SYTL5: variants seen among roughly 807,000 people sequenced by gnomAD.
SYTL5 encodes the protein synaptotagmin like 5.
SYTL5 carries 34 observed loss-of-function variants against 55.9 expected under a neutral mutation model. That is an observed-to-expected ratio of 0.61 (90% CI 0.46 to 0.81). SYTL5 has a LOEUF of 0.81. Among genes scored for constraint, SYTL5 ranks in the 30% least tolerant of loss-of-function variants. The pLI, the probability that SYTL5 is intolerant of heterozygous loss-of-function variation, is 0.00. For synonymous variants in SYTL5, 221 were observed against 188.7 expected (o/e 1.17, Z -1.40); for missense variants, 637 against 546.7 (o/e 1.17, Z -1.65).
At chrX:37,990,869 G>A in the SYTL5 span, 36 of 1,206,389 alleles carry the variant, frequency 3.0e-5, no homozygotes, top group Middle Eastern at 6.9e-4. Context: ...GTAAGAACTC[G>A]TCTACAAATA....
chrX:38,070,480 T>A (rs1342812547), intron 3 of SYTL5, among the ~76,000 whole-genome samples: 2 of 111,137 alleles, frequency 1.8e-5, no homozygotes, highest in Non-Finnish European at 3.8e-5. Flanking sequence ...TCATTTTCTA[T>A]CCTCTTTATT....
At chrX:37,943,599 T>G in the SYTL5 span, among the ~76,000 whole-genome samples, 1 of 111,419 alleles carries the variant, frequency 9.0e-6, no homozygotes, top group African/African-American at 3.3e-5. Flanking sequence ...GAAATTTGAT[T>G]ATACAAAGTG....
chrX:38,126,804 C>A lies in SYTL5; in HGVS notation c.*74C>A. 1 of 1,040,613 alleles carries A rather than the reference C, an allele frequency of 9.6e-7. No individual in the cohort carries two copies. Among genetic ancestry groups the A allele is most frequent in the Non-Finnish European group, 1.3e-6 (1 of 772,649 alleles). 85.8% of individuals were successfully genotyped at this position (1,040,613 alleles called of 1,213,427 possible). ...TTTTCCTACCATTAGCAAACTGAGA[C>A]CTGGGATTCTGCTTCCCTGCCATTT... On this transcript the variant is annotated 3_prime_UTR_variant, in exon 17 of 17. Coordinates refer to ENST00000297875, the MANE Select transcript of SYTL5 (RefSeq NM_138780.3).
At chrX:38,118,358 T>A (rs1403858407) in intron 13 of SYTL5, among the ~76,000 whole-genome samples, 1 of 111,951 alleles carries the variant, frequency 8.9e-6, no homozygotes, top group East Asian at 2.8e-4. Flanking sequence ...TACTGTTTAT[T>A]TGCTTATTTA....
the SYTL5 span, among the ~76,000 whole-genome samples, chrX:37,893,769 TAAACTATAG>T: frequency 7.6e-4 from 69 of 90,304 alleles, 3 homozygotes; most frequent in African/African-American, 2.3e-3. Flanking sequence ...AATCTATAGA[TAAACTATAG>T]ATTATATAGA....
At chrX:37,963,539 C>T in the SYTL5 span, among the ~76,000 whole-genome samples, 27 of 111,659 alleles carry the variant, frequency 2.4e-4, no homozygotes, top group East Asian at 3.1e-3. Context: ...CCGCCTGCCC[C>T]GGCTTCCCAA....
At chrX:37,913,037 G>C in the SYTL5 span, among the ~76,000 whole-genome samples, 1 of 111,905 alleles carries the variant, frequency 8.9e-6, no homozygotes, top group Non-Finnish European at 1.9e-5. Flanking sequence ...ATTTGACTTG[G>C]CTGGGAGGAG....
the SYTL5 span, among the ~76,000 whole-genome samples, chrX:37,948,493 G>T: frequency 1.8e-5 from 2 of 109,614 alleles, no homozygotes; most frequent in Non-Finnish European, 3.8e-5. Context: ...CTTTATTGAA[G>T]TATAGATGAT....
chrX:37,958,642 G>A, the SYTL5 span, among the ~76,000 whole-genome samples: 5 of 111,497 alleles, frequency 4.5e-5, no homozygotes, highest in East Asian at 1.1e-3. Context: ...CCCCAGAGTC[G>A]TAACTTGTTT....
At chrX:38,105,752 C>T (rs774450181) in intron 10 of SYTL5, among the ~76,000 whole-genome samples, 35 of 111,913 alleles carry the variant, frequency 3.1e-4, no homozygotes, top group African/African-American at 1.0e-3. Context: ...ATTTTTGAAC[C>T]GCAGTTGACC....
chrX:38,038,597 A>G (rs895372867), intron 2 of SYTL5, among the ~76,000 whole-genome samples: 4 of 112,066 alleles, frequency 3.6e-5, no homozygotes, highest in African/African-American at 1.3e-4. Context: ...TAAGATAGAA[A>G]CTGAAGCAAT....
At chrX:37,917,696 G>A in the SYTL5 span, among the ~76,000 whole-genome samples, 20 of 111,456 alleles carry the variant, frequency 1.8e-4, no homozygotes, top group Middle Eastern at 9.2e-3. Flanking sequence ...CCTCTTCAGC[G>A]GCAACTCCTG....
chrX:38,103,808 G>A (rs761914504), intron 10 of SYTL5, among the ~76,000 whole-genome samples: 16 of 110,948 alleles, frequency 1.4e-4, no homozygotes, highest in Admixed American at 6.7e-4. Flanking sequence ...ATTCTTTCCT[G>A]GCACTCCTAC....
At chrX:38,050,379 GA>G (rs1264027143) in intron 2 of SYTL5, among the ~76,000 whole-genome samples, 1 of 111,403 alleles carries the variant, frequency 9.0e-6, no homozygotes, top group African/African-American at 3.3e-5. Context: ...TGATGGGATG[GA>G]AAAAAACATT....
chrX:38,031,725 AC>A (rs1934957930), intron 1 of SYTL5, among the ~76,000 whole-genome samples: 1 of 112,172 alleles, frequency 8.9e-6, no homozygotes, highest in Admixed American at 9.4e-5. Context: ...GTTGAAAAAA[AC>A]AACTGTGTTC....
chrX:37,952,763 A>G, the SYTL5 span, among the ~76,000 whole-genome samples: 1 of 111,435 alleles, frequency 9.0e-6, no homozygotes, highest in Non-Finnish European at 1.9e-5. Context: ...GCAGCTGGAA[A>G]AGAGAGAAAA....
At chrX:38,119,010 CA>C (rs1937539064) in intron 13 of SYTL5, among the ~76,000 whole-genome samples, 2 of 103,635 alleles carry the variant, frequency 1.9e-5, no homozygotes, top group South Asian at 8.8e-4. Context: ...GATAGGGTCT[CA>C]CTGTGTTGCC....
the SYTL5 span, among the ~76,000 whole-genome samples, chrX:37,941,474 G>A: frequency 7.2e-5 from 8 of 111,322 alleles, no homozygotes; most frequent in South Asian, 1.1e-3. Flanking sequence ...CATCCCTTCC[G>A]TGTTCACCCG....
chrX:37,985,946 T>C, the SYTL5 span, among the ~76,000 whole-genome samples: 2 of 111,049 alleles, frequency 1.8e-5, no homozygotes, highest in Non-Finnish European at 3.8e-5. Flanking sequence ...CTGGTATAAC[T>C]GCATAGCCAC....
Sources: allele counts gnomAD v4.1 joint callset (sites outside exome capture counted in the v4.1 genomes callset), GRCh38; gene constraint gnomAD v4.1.1; transcripts MANE v1.5; gene names NCBI Gene and HGNC (gene_info 2026-07-23, HGNC 2026-07-21).